ESPL1: variants seen among roughly 807,000 people sequenced by gnomAD.
The protein encoded by ESPL1 is extra spindle pole bodies like 1, separase, also known as separin.
ESPL1 carries 50 observed loss-of-function variants against 217.2 expected under a neutral mutation model. That is an observed-to-expected ratio of 0.23 (90% CI 0.18 to 0.29). The LOEUF (loss-of-function observed/expected upper bound fraction) is 0.29. ESPL1 is among the 10% of genes least tolerant of loss of function. The pLI, the probability that ESPL1 is intolerant of heterozygous loss-of-function variation, is 1.00. For synonymous variants in ESPL1, 994 were observed against 1,081.3 expected, an observed-to-expected ratio of 0.92 and a Z score of 1.58; for missense variants, 1,834 against 2,603.0, an observed-to-expected ratio of 0.70 and a Z score of 6.43.
intron 17 of ESPL1, among the ~76,000 whole-genome samples, chr12:53,284,400 A>G (rs983070870): frequency 6.6e-6 from 1 of 152,024 alleles, no homozygotes; most frequent in Non-Finnish European, 1.5e-5. Context: ...GACTACAGGC[A>G]TGCGCCACCA....
rs942181808 is a variant in ESPL1, at chr12:53,289,255, C to G, written c.4874C>G (p.Ser1625Cys). 1.9e-6 allele frequency: 3 copies of G among 1,612,358 alleles called. No homozygotes were observed. In the African/African-American group the frequency reaches 4.0e-5, roughly 22 times the overall value. The change falls in exon 21 of 31, where the codon TCC becomes TGC. Residue 1625 changes from serine (S) to cysteine (C), a missense_variant. Coordinates refer to ENST00000257934, the MANE Select transcript of ESPL1 (RefSeq NM_012291.5). The part of the protein sequence containing the change: ...ATAFLVTESV[S>C]ITCRHQLLTH... ...GCTTTCCTTGTCACCGAGTCTGTCT[C>G]CATCACCTGTCGCCACCAGCTGCTC...
intron 7 of ESPL1, among the ~76,000 whole-genome samples, chr12:53,276,164 C>T (rs1216249543): frequency 1.3e-5 from 2 of 151,844 alleles, no homozygotes; most frequent in Non-Finnish European, 2.9e-5. Context: ...ACCGTGATCA[C>T]GCTATTGCAC....
chr12:53,291,090 C>T lies in ESPL1; in HGVS notation c.5520+94C>T, dbSNP rs956394844. On this transcript the variant is annotated intron_variant, in intron 25 of 30. Transcript: ENST00000257934. ...GGCCAAGGCAGATGGATTGCTTGAG[C>T]TCAGGAGCTCGAGACCAGCCTGGCC... 6 of 1,122,396 alleles carry T rather than the reference C, an allele frequency of 5.3e-6. No homozygotes were observed. The African/African-American group carries it at 9.5e-5, about 18-fold the overall frequency. The allele number at this position is 1,122,396 out of a possible 1,614,324, so 69.5% of individuals were successfully genotyped here. A position where few individuals can be genotyped will look rare whatever the true frequency, so the allele number is the denominator to read the frequency against.
Position 53,283,374 on chromosome 12 carries a change from T to C in ESPL1, c.2921-8T>C. On this transcript the variant is annotated splice_region_variant and splice_polypyrimidine_tract_variant and intron_variant, in intron 15 of 30. Coordinates refer to ENST00000257934, the MANE Select transcript of ESPL1 (RefSeq NM_012291.5). Reference sequence around the variant, plus strand: ...TGAGTGATGGTGGTCTTGTCTCTTTTGCTACAGGTGAAAATCTGGTACAAA... The same window carrying C: ...TGAGTGATGGTGGTCTTGTCTCTTTCGCTACAGGTGAAAATCTGGTACAAA... 1 of 1,614,050 alleles carries C rather than the reference T, an allele frequency of 6.2e-7. No individual in the cohort carries two copies. The highest frequency in any genetic ancestry group is 8.5e-7 in the Non-Finnish European group (1 of 1,179,932).
rs375977671 is a variant in ESPL1, at chr12:53,292,267, C to T, written c.5797-11C>T. 10 of 1,596,462 alleles carry T rather than the reference C, an allele frequency of 6.3e-6. No individual in the cohort carries two copies. Among genetic ancestry groups the T allele is most frequent in the Non-Finnish European group, 7.7e-6 (9 of 1,164,072 alleles). ...AGACAAGCATCCTAATCGCCAGTGT[C>T]TCCTCCTCAGTATGGGGCCTCGCCA... is the stretch of plus-strand genomic sequence containing the variant. On this transcript the variant is annotated splice_polypyrimidine_tract_variant and intron_variant, in intron 27 of 30. Transcript: ENST00000257934. The surrounding 1 kb of genome is among the most constrained non-coding windows in gnomAD (Gnocchi z 4.5).
chr12:53,282,655 CT>C lies in ESPL1; in HGVS notation c.2791+224del, dbSNP rs1251170594. Among the ~76,000 whole-genome samples, 1 of 151,600 alleles carries C rather than the reference CT, an allele frequency of 6.6e-6. No homozygotes were observed. The highest frequency in any genetic ancestry group is 1.9e-4 in the East Asian group (1 of 5,190). On this transcript the variant is annotated intron_variant, in intron 14 of 30. Coordinates refer to ENST00000257934, the MANE Select transcript of ESPL1 (RefSeq NM_012291.5). The surrounding 1 kb of genome is among the most constrained non-coding windows in gnomAD (Gnocchi z 4.0). ...TACTAGGCTGAAAGGATTTTTTTTT[CT>C]TTTCTTTTTTTTCTAAGACGGAGTT...
intron 3 of ESPL1, 56 bp downstream of exon 3, chr12:53,270,141 C>A: frequency 6.9e-7 from 1 of 1,448,618 alleles, no homozygotes; most frequent in South Asian, 1.3e-5. Flanking sequence ...TCACTACCAG[C>A]CTAGGGTATT....
rs1565767041 is a variant in ESPL1 at position 53,292,255 on chromosome 12, A to T, written c.5797-23A>T. The T allele has an allele frequency of 3.8e-6, 6 of 1,563,956 alleles. No individual in the cohort carries two copies. Among genetic ancestry groups the T allele is most frequent in the Non-Finnish European group, 5.3e-6 (6 of 1,134,512 alleles). ...GGCCTCTTGGTGAGACAAGCATCCT[A>T]ATCGCCAGTGTCTCCTCCTCAGTAT... is the stretch of plus-strand genomic sequence containing the variant. On this transcript the variant is annotated intron_variant, in intron 27 of 30. Transcript: ENST00000257934. This position sits in a 1 kb window ranked among gnomAD's most constrained non-coding sequence, Gnocchi z 4.5.
chr12:53,291,918 C>T, intron 26 of ESPL1, 58 bp downstream of exon 26: 2 of 1,598,806 alleles, frequency 1.3e-6, no homozygotes, highest in Non-Finnish European at 1.7e-6. Flanking sequence ...AACTCATCCC[C>T]ATGCCCCTTC....
intron 25 of ESPL1, among the ~76,000 whole-genome samples, chr12:53,291,204 T>C (rs978938126): frequency 1.3e-5 from 2 of 150,848 alleles, no homozygotes; most frequent in Non-Finnish European, 2.9e-5. Context: ...CGGGAGGCTG[T>C]AGCAGGAGAA....
chr12:53,285,141 C>T (rs1276261223), intron 17 of ESPL1, among the ~76,000 whole-genome samples: 1 of 151,992 alleles, frequency 6.6e-6, no homozygotes, highest in Non-Finnish European at 1.5e-5. Flanking sequence ...GTAGCACAAA[C>T]ATATCCTCAG....
intron 18 of ESPL1, 66 bp from the exon 19 acceptor site, chr12:53,287,906 C>G (rs1565762665): frequency 1.3e-6 from 2 of 1,491,240 alleles, no homozygotes; most frequent in East Asian, 2.3e-5. Flanking sequence ...ACTACGCCAC[C>G]TGCTGTCACA....
chr12:53,278,745 A>C (rs1309130232), intron 11 of ESPL1, among the ~76,000 whole-genome samples: 5 of 148,214 alleles, frequency 3.4e-5, no homozygotes, highest in African/African-American at 1.2e-4. Flanking sequence ...GCACGCAACC[A>C]CGCCTGGCTA....
Position 53,276,478 on chromosome 12 carries a change from A to G in ESPL1, c.1701-142A>G, listed in dbSNP as rs961107531. The stretch of plus-strand genomic sequence containing the variant: ...CTGCCGTTTGTTAAACAGAGGAGCA[A>G]TGCAATCTGATTTAAATTTTTAAAG... On this transcript the variant is annotated intron_variant, in intron 7 of 30. Coordinates refer to ENST00000257934, the MANE Select transcript of ESPL1 (RefSeq NM_012291.5). 6 of 911,540 alleles carry G rather than the reference A, an allele frequency of 6.6e-6. No homozygotes were observed. In the African/African-American group the frequency reaches 6.7e-5, roughly 10 times the overall value. The allele number at this position is 911,540 out of a possible 1,614,324, so 56.5% of individuals were successfully genotyped here.
At chr12:53,280,651 A>T (rs1387101310) in intron 12 of ESPL1, among the ~76,000 whole-genome samples, 2 of 152,000 alleles carry the variant, frequency 1.3e-5, no homozygotes, top group Non-Finnish European at 2.9e-5. Context: ...TACAGGCATG[A>T]GCCACCGTGC....
chr12:53,274,680 G>A (rs1167784742), intron 6 of ESPL1, 137 bp from the exon 7 acceptor site: 10 of 651,016 alleles, frequency 1.5e-5, no homozygotes, highest in Non-Finnish European at 2.7e-5. Flanking sequence ...CCTGCCTTGG[G>A]TGGGTGTGGC....
At chr12:53,275,629 G>A (rs376813398) in intron 7 of ESPL1, among the ~76,000 whole-genome samples, 1 of 152,130 alleles carries the variant, frequency 6.6e-6, no homozygotes, top group African/African-American at 2.4e-5. Flanking sequence ...GTGCTACTTG[G>A]GGGGTATAGT....
chr12:53,277,922 C>T lies in ESPL1; in HGVS notation c.2326C>T (p.Leu776=). 1 of 1,614,108 alleles carries T rather than the reference C, an allele frequency of 6.2e-7. No homozygotes were observed. ...VRCLQQTAAS[L]QILAALYQLV... Reference sequence around the variant, plus strand: ...GTGTCTCCAGCAGACAGCAGCCTCACTGCAGATCCTAGCAGCCCTCTACCA... The same window carrying T: ...GTGTCTCCAGCAGACAGCAGCCTCATTGCAGATCCTAGCAGCCCTCTACCA... The change falls in exon 11 of 31, where the codon CTG becomes TTG. Residue 776 remains leucine (L), a synonymous_variant. Transcript: ENST00000257934.
At chr12:53,277,412 C>T in intron 9 of ESPL1, 58 bp from the exon 10 acceptor site, 1 of 1,575,738 alleles carries the variant, frequency 6.3e-7, no homozygotes, top group Non-Finnish European at 8.6e-7. Context: ...TGCCGAGTAG[C>T]CAGGACGATA....
Sources: gnomAD v4.1 joint callset for allele counts (sites outside exome capture counted in the v4.1 genomes callset) on GRCh38, gnomAD v4.1.1 for gene constraint, Gnocchi (gnomAD v3.1) non-coding constraint, MANE v1.5 for transcripts, NCBI Gene and HGNC (gene_info 2026-07-23, HGNC 2026-07-21) for gene names.